Variants in VPS26C observed in about 807,000 individuals in gnomAD.
VPS26C encodes VPS26 endosomal protein sorting factor C.
VPS26C carries 19 observed loss-of-function variants against 30.6 expected under a neutral mutation model. The observed-to-expected ratio is 0.62, with a 90% CI of 0.43 to 0.91. VPS26C has a LOEUF of 0.91. Among genes scored for constraint, VPS26C ranks in the 40% least tolerant of loss-of-function variants. The pLI is 0.00. For synonymous variants in VPS26C, 132 were observed against 151.5 expected (o/e 0.87, Z 0.95); for missense variants, 318 against 385.1 (o/e 0.83, Z 1.46).
At chr21:37,250,848 C>G (rs1602280353) in intron 1 of VPS26C, among the ~76,000 whole-genome samples, 1 of 140,522 alleles carries the variant, frequency 7.1e-6, no homozygotes, top group Admixed American at 7.6e-5. Flanking sequence ...TGCAGTGAGC[C>G]GAGATCACAC....
chr21:37,233,344 T>TC lies in VPS26C; in HGVS notation c.432+17dup. The TC allele has an allele frequency of 1.9e-6, 3 of 1,608,262 alleles. No individual in the cohort carries two copies. Among genetic ancestry groups the TC allele is most frequent in the Non-Finnish European group, 2.6e-6 (3 of 1,174,966 alleles). On this transcript the variant is annotated intron_variant, in intron 4 of 7. Transcript: ENST00000309117. This position sits in a 1 kb window ranked among gnomAD's most constrained non-coding sequence, Gnocchi z 5.2. Reference sequence around the variant, plus strand: ...AGATTCCTATCATTAAGCACCAGAGTCCCCGAGTGAAGCTTACAGCGGAGT... The same window carrying TC: ...AGATTCCTATCATTAAGCACCAGAGTCCCCCGAGTGAAGCTTACAGCGGAGT...
chr21:37,232,521 C>G (rs1349938554), intron 4 of VPS26C, 70 bp from the exon 5 acceptor site: 2 of 1,380,566 alleles, frequency 1.4e-6, no homozygotes, highest in Non-Finnish European at 2.1e-6. Flanking sequence ...TAGCTTTTCC[C>G]TTTCAAAAAT....
intron 1 of VPS26C, among the ~76,000 whole-genome samples, chr21:37,255,765 C>G (rs1186415395): frequency 1.3e-5 from 2 of 151,282 alleles, no homozygotes; most frequent in African/African-American, 4.9e-5. Context: ...AAAGGATAGT[C>G]AGTAAACTGG....
At chr21:37,260,071 A>G (rs1602288710) in intron 1 of VPS26C, among the ~76,000 whole-genome samples, 1 of 152,172 alleles carries the variant, frequency 6.6e-6, no homozygotes, top group East Asian at 1.9e-4. Context: ...AGAAGGCACA[A>G]AGAATCCTGG....
At chr21:37,239,755 C>T (rs956876282) in intron 2 of VPS26C, among the ~76,000 whole-genome samples, 2 of 152,078 alleles carry the variant, frequency 1.3e-5, no homozygotes, top group African/African-American at 4.8e-5. Flanking sequence ...CGCCATCACA[C>T]CCCGCTAATT....
intron 1 of VPS26C, 112 bp from the exon 2 acceptor site, chr21:37,240,751 T>G: frequency 7.2e-7 from 1 of 1,380,982 alleles, no homozygotes. Context: ...GATCCAGACA[T>G]TCACTGAGAC....
chr21:37,244,229 G>A (rs1027091283), intron 1 of VPS26C, among the ~76,000 whole-genome samples: 3 of 152,242 alleles, frequency 2.0e-5, no homozygotes, highest in African/African-American at 7.2e-5. Flanking sequence ...TCAAAGGGGG[G>A]CAAAAGCAAC....
Position 37,240,480 on chromosome 21 carries a change from A to G in VPS26C, c.201+16T>C. On this transcript the variant is annotated intron_variant, in intron 2 of 7. Transcript: ENST00000309117. ...ATATTGAACTAAAAACTTGCAATCT[A>G]AGCATTCTTTCTTACCTTAACAGAA... The G allele has an allele frequency of 6.2e-7, 1 of 1,613,282 alleles. No individual in the cohort carries two copies. Among genetic ancestry groups the G allele is most frequent in the African/African-American group, 1.3e-5 (1 of 74,954 alleles).
rs766553233 is a variant in VPS26C, at chr21:37,233,433, G to A, written c.361C>T (p.Arg121Cys). The change falls in exon 4 of 8, where the codon CGC (arginine) becomes TGC (cysteine). Residue 121 changes from arginine to cysteine, a missense_variant. Coordinates refer to ENST00000309117, the MANE Select transcript of VPS26C (RefSeq NM_006052.2). This position sits in a 1 kb window ranked among gnomAD's most constrained non-coding sequence, Gnocchi z 5.2. Reference sequence around the variant, plus strand: ...AACAGAGACCGCTTCATGTCACAGCGCAGTGTATACTAAAGGGGAGAGTTG... The same window carrying A: ...AACAGAGACCGCTTCATGTCACAGCACAGTGTATACTAAAGGGGAGAGTTG... ...GVFVNIQYTLRCDMKRSLLAK... is the reference protein window; with the variant it reads ...GVFVNIQYTLCCDMKRSLLAK... 2.0e-5 allele frequency: 32 copies of A among 1,613,764 alleles called. No individual in the cohort carries two copies. The highest frequency in any genetic ancestry group is 3.3e-5 in the Admixed American group (2 of 60,000).
intron 3 of VPS26C, chr21:37,237,601 T>C (rs2086038374): frequency 1.3e-5 from 2 of 152,250 alleles, no homozygotes. Context: ...ACTTCTTTTC[T>C]TCACAGAAGA....
intron 1 of VPS26C, among the ~76,000 whole-genome samples, chr21:37,248,348 G>C (rs2086158177): frequency 2.4e-5 from 1 of 42,484 alleles, no homozygotes; most frequent in Non-Finnish European, 4.2e-5. Context: ...GGTGGGGGGA[G>C]GGGGGGAACA....
chr21:37,261,193 C>T (rs2086300186), intron 1 of VPS26C: 2 of 152,166 alleles, frequency 1.3e-5, no homozygotes, highest in African/African-American at 4.8e-5. Flanking sequence ...TAAACTATTG[C>T]CAGTTACTAC....
At chr21:37,244,202 A>G (rs779906224) in intron 1 of VPS26C, among the ~76,000 whole-genome samples, 128 of 152,354 alleles carry the variant, frequency 8.4e-4, no homozygotes, top group Non-Finnish European at 1.3e-3. Flanking sequence ...CACAGCGGAA[A>G]CCACTGGCAA....
chr21:37,267,039 T>C (rs1602294911), intron 1 of VPS26C, 199 bp downstream of exon 1: 2 of 629,984 alleles, frequency 3.2e-6, no homozygotes, highest in East Asian at 5.9e-5. Context: ...TGGGGCCTCC[T>C]CGCAGGGCAG....
intron 1 of VPS26C, among the ~76,000 whole-genome samples, chr21:37,265,824 T>C (rs1436482210): frequency 3.3e-5 from 5 of 151,990 alleles, no homozygotes; most frequent in African/African-American, 4.8e-5. Context: ...GTCTCATTAG[T>C]TGTGATGGTG....
rs1017255515 is a variant in VPS26C at position 37,240,386 on chromosome 21, A to C, written c.201+110T>G. 10 of 1,301,858 alleles carry C rather than the reference A, an allele frequency of 7.7e-6. 1 individual carries two copies. Among genetic ancestry groups the C allele is most frequent in the Middle Eastern group, 1.9e-4 (1 of 5,290 alleles). The allele number at this position is 1,301,858 out of a possible 1,614,324, so 80.6% of individuals were successfully genotyped here. On this transcript the variant is annotated intron_variant, in intron 2 of 7. Transcript: ENST00000309117. The stretch of plus-strand genomic sequence containing the variant: ...GCGATCCTCCCGCCTTGGCCTCCCA[A>C]ATTACTGAGATTACAGGCCTGAGCC...
Position 37,227,703 on chromosome 21 carries a change from G to A in VPS26C, c.762C>T (p.Phe254=). Reference sequence around the variant, plus strand: ...GTGTAGGGCAGGTGAACAGCCTAGGGAAGACCATGTAGATGGGGACAGAGA... The same window carrying A: ...GTGTAGGGCAGGTGAACAGCCTAGGAAAGACCATGTAGATGGGGACAGAGA... ...RGLSVPIYMV[F]PRLFTCPTLE... is the part of the protein sequence containing the mutation. The change falls in exon 7 of 8, where the codon TTC becomes TTT. Residue 254 remains phenylalanine (F), a synonymous_variant. Transcript: ENST00000309117. 1.2e-6 allele frequency: 2 copies of A among 1,614,204 alleles called. No homozygotes were observed. Among genetic ancestry groups the A allele is most frequent in the Non-Finnish European group, 1.7e-6 (2 of 1,180,028 alleles).
chr21:37,263,087 A>T (rs766052550), intron 1 of VPS26C, among the ~76,000 whole-genome samples: 5 of 151,996 alleles, frequency 3.3e-5, no homozygotes, highest in Non-Finnish European at 7.4e-5. Flanking sequence ...TTTAACGTTT[A>T]TATTTTTTAA....
chr21:37,260,828 G>A (rs1289824863), intron 1 of VPS26C, among the ~76,000 whole-genome samples: 1 of 152,096 alleles, frequency 6.6e-6, no homozygotes, highest in Admixed American at 6.5e-5. Context: ...GTGTAGCTCT[G>A]GGGCTATGTC....
Sources: gnomAD v4.1 joint callset for allele counts (sites outside exome capture counted in the v4.1 genomes callset) on GRCh38, gnomAD v4.1.1 for gene constraint, Gnocchi (gnomAD v3.1) non-coding constraint, MANE v1.5 for transcripts, NCBI Gene and HGNC (gene_info 2026-07-23, HGNC 2026-07-21) for gene names.